PPM1H: variants seen among roughly 807,000 people sequenced by gnomAD.
PPM1H encodes the protein protein phosphatase, Mg2+/Mn2+ dependent 1H, also known as protein phosphatase 1H.
PPM1H carries 27 observed loss-of-function variants against 54.9 expected under a neutral mutation model. That is an observed-to-expected ratio of 0.49 (90% CI 0.36 to 0.68). The LOEUF (loss-of-function observed/expected upper bound fraction) is 0.68. PPM1H is among the 30% of genes least tolerant of loss of function. PPM1H has a pLI of 0.00. For synonymous variants in PPM1H, 305 were observed against 270.8 expected (o/e 1.13, Z -1.24); for missense variants, 596 against 667.8 (o/e 0.89, Z 1.19).
chr12:62,930,845 A>G (rs1276712152), intron 1 of PPM1H, among the ~76,000 whole-genome samples: 3 of 152,008 alleles, frequency 2.0e-5, no homozygotes, highest in Non-Finnish European at 2.9e-5. Flanking sequence ...CTATAACTAC[A>G]ATGCTTTACA....
intron 4 of PPM1H, among the ~76,000 whole-genome samples, chr12:62,784,488 C>T (rs961881086): frequency 6.6e-6 from 1 of 152,042 alleles, no homozygotes; most frequent in Non-Finnish European, 1.5e-5. Flanking sequence ...GGGCAGTGAA[C>T]ATATAACAAA....
intron 3 of PPM1H, among the ~76,000 whole-genome samples, chr12:62,801,402 C>T (rs1405160503): frequency 6.6e-6 from 1 of 152,104 alleles, no homozygotes; most frequent in African/African-American, 2.4e-5. Flanking sequence ...ACTGCAATCT[C>T]TGTCTCCCAG....
chr12:62,927,990 C>T (rs965002740), intron 1 of PPM1H, among the ~76,000 whole-genome samples: 3 of 152,164 alleles, frequency 2.0e-5, no homozygotes, highest in Non-Finnish European at 4.4e-5. Flanking sequence ...CAAAGGTAGG[C>T]GTTCCACAGA....
intron 3 of PPM1H, among the ~76,000 whole-genome samples, chr12:62,798,348 C>G (rs2076748108): frequency 6.6e-6 from 1 of 152,184 alleles, no homozygotes; most frequent in African/African-American, 2.4e-5. Flanking sequence ...GAGTAGCTAC[C>G]TGTGGAGATA....
chr12:62,656,641 T>C (rs188425643), intron 9 of PPM1H, among the ~76,000 whole-genome samples: 33 of 152,122 alleles, frequency 2.2e-4, no homozygotes, highest in African/African-American at 6.5e-4. Flanking sequence ...AGAGGGTGAG[T>C]AGTGGCAGGA....
At chr12:62,684,220 A>G (rs767543499) in intron 8 of PPM1H, among the ~76,000 whole-genome samples, 1 of 152,104 alleles carries the variant, frequency 6.6e-6, no homozygotes, top group Non-Finnish European at 1.5e-5. Flanking sequence ...CATCCCCTAC[A>G]CTCAACCCAC....
At chr12:62,732,694 C>T (rs1248961891) in intron 5 of PPM1H, among the ~76,000 whole-genome samples, 16 of 151,806 alleles carry the variant, frequency 1.1e-4, no homozygotes, top group Admixed American at 9.8e-4. Context: ...GCCTCAGCCT[C>T]CCGAGTAGCT....
chr12:62,713,665 C>T (rs1427587611), intron 6 of PPM1H, among the ~76,000 whole-genome samples: 4 of 152,234 alleles, frequency 2.6e-5, no homozygotes, highest in African/African-American at 9.6e-5. Flanking sequence ...GTACCCATCC[C>T]ACCTTTTAAA....
intron 2 of PPM1H, among the ~76,000 whole-genome samples, chr12:62,803,248 G>A (rs2704764): frequency 0.21 from 31,858 of 152,038 alleles, 3,671 homozygotes; most frequent in African/African-American, 0.31. Context: ...TCTACGTTGG[G>A]TTTAGTGGCT....
At chr12:62,702,195 A>G (rs1008816576) in intron 6 of PPM1H, among the ~76,000 whole-genome samples, 1 of 152,190 alleles carries the variant, frequency 6.6e-6, no homozygotes. Context: ...GTTCCCCTTT[A>G]TTATTAGTAT....
rs900696496 is a variant in PPM1H, at chr12:62,730,176, GC to G, written c.954+7325del. On this transcript the variant is annotated intron_variant, in intron 5 of 9. Transcript: ENST00000228705. The stretch of plus-strand genomic sequence containing the variant: ...TTTGCTGACTCTCTTTTCGGACTCA[GC>G]CCACCTGCATCCAGGTGAAATAAAC... Among the ~76,000 whole-genome samples, 144 of 152,120 alleles carry G rather than the reference GC, an allele frequency of 9.5e-4. 2 individuals carry two copies. The highest frequency in any genetic ancestry group is 8.6e-3 in the Admixed American group (131 of 15,276).
intron 1 of PPM1H, among the ~76,000 whole-genome samples, chr12:62,882,188 T>C (rs193182839): frequency 6.2e-4 from 95 of 152,380 alleles, no homozygotes; most frequent in African/African-American, 2.1e-3. Flanking sequence ...ACTCTTCAAC[T>C]CATTCAATAA....
chr12:62,664,095 C>T (rs2075903229), intron 9 of PPM1H, among the ~76,000 whole-genome samples: 1 of 151,596 alleles, frequency 6.6e-6, no homozygotes. Context: ...TCAGAAATAT[C>T]TTTCTCTGTG....
chr12:62,782,159 G>A (rs1481728820), intron 4 of PPM1H, among the ~76,000 whole-genome samples: 1 of 152,240 alleles, frequency 6.6e-6, no homozygotes, highest in Non-Finnish European at 1.5e-5. Flanking sequence ...ACTGGCACGT[G>A]TGGATAGATG....
chr12:62,667,305 A>G lies in PPM1H; in HGVS notation c.1270T>C (p.Tyr424His). ...AGCACATCATCTGATCCATGATCAT[A>G]TTTTGAAAGATCGTAGATTCTTACC... ...PEVRIYDLSK[Y>H]DHGSDDVLIL... is the part of the protein sequence containing the mutation. Residue 424 changes from tyrosine (Y) to histidine (H), a missense_variant, in exon 9 of 10, where the codon TAT becomes CAT. This residue lies in a region of PPM1H where 208 missense variants were observed against 259.5 expected (regional missense o/e 0.80). Transcript: ENST00000228705. 1 of 1,601,986 alleles carries G rather than the reference A, an allele frequency of 6.2e-7. No homozygotes were observed. The highest frequency in any genetic ancestry group is 8.5e-7 in the Non-Finnish European group (1 of 1,173,510).
Position 62,645,938 on chromosome 12 carries a change from T to C in PPM1H, c.*2551A>G, listed in dbSNP as rs1182970952. On this transcript the variant is annotated 3_prime_UTR_variant, in exon 10 of 10. Transcript: ENST00000228705. The stretch of plus-strand genomic sequence containing the variant: ...GTAGACACGGTTACTGTTTTAGGAC[T>C]GGGTGACATGGGGCCTGGGTAAAAA... 1 of 152,208 alleles carries C rather than the reference T, an allele frequency of 6.6e-6. No homozygotes were observed. Among genetic ancestry groups the C allele is most frequent in the Non-Finnish European group, 1.5e-5 (1 of 68,042 alleles). The allele number at this position is 152,208 out of a possible 1,614,324, so 9.4% of individuals were successfully genotyped here.
intron 4 of PPM1H, among the ~76,000 whole-genome samples, chr12:62,755,009 A>G: frequency 6.6e-6 from 1 of 152,254 alleles, no homozygotes; most frequent in East Asian, 1.9e-4. Flanking sequence ...GAGATGCCAC[A>G]TGTGAACAGG....
chr12:62,727,031 C>T (rs913828865), intron 5 of PPM1H, among the ~76,000 whole-genome samples: 7 of 152,082 alleles, frequency 4.6e-5, no homozygotes, highest in African/African-American at 1.2e-4. Context: ...TCTCCTGCCT[C>T]AGCCTCCTGA....
At chr12:62,704,995 A>C (rs1334497598) in intron 6 of PPM1H, among the ~76,000 whole-genome samples, 1 of 152,216 alleles carries the variant, frequency 6.6e-6, no homozygotes, top group East Asian at 1.9e-4. Flanking sequence ...TATGGAAAAT[A>C]GCAAGAGGCA....
Sources: allele counts gnomAD v4.1 joint callset (sites outside exome capture counted in the v4.1 genomes callset), GRCh38; gene constraint gnomAD v4.1.1; regional missense constraint gnomAD v4.1.1; transcripts MANE v1.5; gene names NCBI Gene and HGNC (gene_info 2026-07-23, HGNC 2026-07-21).